GALNT13: variants seen among roughly 807,000 people sequenced by gnomAD.
GALNT13 encodes the protein UDP-GalNAc:polypeptide N-acetylgalactosaminyltransferase 13.
A neutral mutation model predicts 64.2 loss-of-function variants in GALNT13; 28 were observed. That is an observed-to-expected ratio of 0.44 (90% CI 0.32 to 0.60). GALNT13 has a LOEUF of 0.60. Ranked by LOEUF, GALNT13 falls within the 20% of genes least tolerant of loss-of-function variation. The probability of loss-of-function intolerance (pLI) is 0.05; values close to 1 mark genes in which losing one functional copy is unlikely to be tolerated. For missense variants in GALNT13, 577 were observed against 669.8 expected, an observed-to-expected ratio of 0.86 and a Z score of 1.53; for synonymous variants, 214 against 224.6, an observed-to-expected ratio of 0.95 and a Z score of 0.42.
At chr2:154,227,449 T>G (rs1432699004) in intron 4 of GALNT13, among the ~76,000 whole-genome samples, 1 of 151,612 alleles carries the variant, frequency 6.6e-6, no homozygotes, top group Non-Finnish European at 1.5e-5. Context: ...TATTTAACAT[T>G]AGGTATATCT....
chr2:153,849,450 T>G, the GALNT13 span, among the ~76,000 whole-genome samples: 1 of 152,072 alleles, frequency 6.6e-6, no homozygotes, highest in Non-Finnish European at 1.5e-5. Context: ...CAAAACAGAA[T>G]AAAAAGAATT....
chr2:153,691,828 C>T, the GALNT13 span, among the ~76,000 whole-genome samples: 1 of 151,874 alleles, frequency 6.6e-6, no homozygotes, highest in African/African-American at 2.4e-5. Flanking sequence ...CAATTTTTGG[C>T]AATAAATAAA....
chr2:153,238,734 G>A, the GALNT13 span, among the ~76,000 whole-genome samples: 2,942 of 152,058 alleles, frequency 0.019, 41 homozygotes, highest in Non-Finnish European at 0.033. Flanking sequence ...GGTTACTATA[G>A]GTTACTATAG....
chr2:153,539,533 G>A, the GALNT13 span, among the ~76,000 whole-genome samples: 18 of 151,860 alleles, frequency 1.2e-4, no homozygotes, highest in African/African-American at 2.4e-4. Flanking sequence ...TAGGTCTAAC[G>A]TTTAAGTCTT....
chr2:154,205,886 A>G (rs1449642503), intron 4 of GALNT13, among the ~76,000 whole-genome samples: 1 of 151,814 alleles, frequency 6.6e-6, no homozygotes, highest in Non-Finnish European at 1.5e-5. Context: ...AAAATTCTCT[A>G]GTTTTCTTTG....
chr2:153,180,808 G>A, the GALNT13 span, among the ~76,000 whole-genome samples: 2 of 150,814 alleles, frequency 1.3e-5, no homozygotes, highest in Non-Finnish European at 3.0e-5. Flanking sequence ...TTTCTTCTAG[G>A]TTATCCAATA....
At chr2:154,319,203 CATAAA>C (rs1361940697) in intron 9 of GALNT13, among the ~76,000 whole-genome samples, 6 of 152,050 alleles carry the variant, frequency 3.9e-5, no homozygotes, top group African/African-American at 1.4e-4. Context: ...GTTAAAAGTA[CATAAA>C]ATAAATGTAT....
At chr2:153,521,216 A>T in the GALNT13 span, among the ~76,000 whole-genome samples, 2 of 151,872 alleles carry the variant, frequency 1.3e-5, no homozygotes, top group African/African-American at 4.8e-5. Context: ...CTAATTTTTC[A>T]TTAGTGTTTT....
At chr2:153,264,977 G>A in the GALNT13 span, among the ~76,000 whole-genome samples, 1 of 152,204 alleles carries the variant, frequency 6.6e-6, no homozygotes, top group Admixed American at 6.5e-5. Flanking sequence ...TTGGAGCTAG[G>A]GCCCAGGATG....
intron 3 of GALNT13, among the ~76,000 whole-genome samples, chr2:153,971,669 A>G (rs997517484): frequency 2.0e-5 from 3 of 152,180 alleles, no homozygotes; most frequent in Admixed American, 2.0e-4. Flanking sequence ...AGGTTTTCCA[A>G]CAACTGAAAG....
At chr2:153,677,067 G>T in the GALNT13 span, among the ~76,000 whole-genome samples, 1 of 151,804 alleles carries the variant, frequency 6.6e-6, no homozygotes, top group African/African-American at 2.4e-5. Context: ...CCTTTAAATT[G>T]GAAAAGAGGA....
the GALNT13 span, among the ~76,000 whole-genome samples, chr2:153,075,268 G>T: frequency 1.3e-5 from 2 of 152,092 alleles, no homozygotes; most frequent in Admixed American, 6.6e-5. Flanking sequence ...GTTACAACTG[G>T]GTTGGTCACT....
chr2:153,656,757 G>A, the GALNT13 span, among the ~76,000 whole-genome samples: 1 of 152,084 alleles, frequency 6.6e-6, no homozygotes, highest in Non-Finnish European at 1.5e-5. Context: ...GAGGTGCTAG[G>A]TGAGCATGTC....
chr2:153,987,462 G>T (rs531735488), intron 3 of GALNT13, among the ~76,000 whole-genome samples: 1 of 151,810 alleles, frequency 6.6e-6, no homozygotes, highest in Non-Finnish European at 1.5e-5. Flanking sequence ...AATATTATTA[G>T]ACTCAATCAT....
intron 1 of GALNT13, 88 bp from the exon 2 acceptor site, chr2:153,900,848 A>G (rs896645803): frequency 1.3e-5 from 2 of 152,182 alleles, no homozygotes; most frequent in African/African-American, 4.8e-5. Flanking sequence ...GTTAAAGTAT[A>G]TAGTGTTTAA....
intron 9 of GALNT13, among the ~76,000 whole-genome samples, chr2:154,382,375 T>A (rs74904501): frequency 6.6e-6 from 1 of 152,214 alleles, no homozygotes; most frequent in Admixed American, 6.6e-5. Flanking sequence ...AATGTTACCC[T>A]TATTTAGTGA....
chr2:153,618,592 A>G, the GALNT13 span, among the ~76,000 whole-genome samples: 1 of 151,852 alleles, frequency 6.6e-6, no homozygotes, highest in African/African-American at 2.4e-5. Context: ...TTCTGTCTGG[A>G]AGATCTGTCC....
intron 3 of GALNT13, among the ~76,000 whole-genome samples, chr2:153,996,304 AG>A (rs2105205564): frequency 6.6e-6 from 1 of 152,254 alleles, no homozygotes; most frequent in Non-Finnish European, 1.5e-5. Context: ...ACAGTGTATA[AG>A]AGTTCTTCTT....
At chr2:154,270,082 GAAC>G (rs1691272598) in intron 8 of GALNT13, among the ~76,000 whole-genome samples, 1 of 150,852 alleles carries the variant, frequency 6.6e-6, no homozygotes, top group South Asian at 2.1e-4. Context: ...AAAAATAAGT[GAAC>G]AACAGGTAAA....
Sources: allele counts gnomAD v4.1 joint callset (sites outside exome capture counted in the v4.1 genomes callset), GRCh38; gene constraint gnomAD v4.1.1; transcripts MANE v1.5; gene names NCBI Gene and HGNC (gene_info 2026-07-23, HGNC 2026-07-21).